The following DOP1B variants were observed in gnomAD, a reference collection of about 807,000 sequenced individuals.
DOP1B encodes DOP1 leucine zipper like protein B.
A neutral mutation model predicts 233.5 loss-of-function variants in DOP1B; 174 were observed. The ratio of observed to expected loss-of-function variants is 0.75; its 90% CI spans 0.66 to 0.85. The LOEUF (loss-of-function observed/expected upper bound fraction) is 0.85. DOP1B is among the 40% of genes least tolerant of loss of function. The pLI, the probability that DOP1B is intolerant of heterozygous loss-of-function variation, is 0.00. For synonymous variants in DOP1B, 1,190 were observed against 1,185.6 expected (o/e 1.00, Z -0.08); for missense variants, 2,652 against 2,846.6 (o/e 0.93, Z 1.56).
chr21:36,227,545 A>AG (rs2123536280), intron 12 of DOP1B, 141 bp from the exon 13 acceptor site: 4 of 634,102 alleles, frequency 6.3e-6, no homozygotes, highest in Non-Finnish European at 8.9e-6. Flanking sequence ...AGACTCTGTC[A>AG]AAAAAAAAGA....
chr21:36,258,446 C>T (rs1034152770), intron 23 of DOP1B, among the ~76,000 whole-genome samples: 24 of 151,966 alleles, frequency 1.6e-4, no homozygotes, highest in Middle Eastern at 6.8e-3. Context: ...GACAATGTGC[C>T]GACCATTGTA....
In DOP1B at chr21:36,270,043, G is replaced by A; in HGVS notation, c.5518G>A (p.Gly1840Arg). The change falls in exon 27 of 37, where the codon GGG becomes AGG. Residue 1840 changes from glycine to arginine, a missense_variant. Physicochemically the swap from Gly to Arg is moderately radical, Grantham distance 125. This residue lies in a region of DOP1B where 2,617 missense variants were observed against 2,794.3 expected (regional missense o/e 0.94). Transcript: ENST00000691173. Reference sequence around the variant, plus strand: ...CACTCAGAAAATCCTAGAAGCTGTGGGGAACATTGCCGGCTCTTCCTTGGA... The same window carrying A: ...CACTCAGAAAATCCTAGAAGCTGTGAGGAACATTGCCGGCTCTTCCTTGGA... ...EITQKILEAV[G>R]NIAGSSLEQT... The A allele has an allele frequency of 6.2e-7, 1 of 1,614,058 alleles. No individual in the cohort carries two copies. Among genetic ancestry groups the A allele is most frequent in the Non-Finnish European group, 8.5e-7 (1 of 1,180,016 alleles).
At chr21:36,242,150 G>A (rs1661512157) in intron 18 of DOP1B, among the ~76,000 whole-genome samples, 1 of 104,428 alleles carries the variant, frequency 9.6e-6, no homozygotes, top group Non-Finnish European at 1.9e-5. Flanking sequence ...AGTTCCTTGG[G>A]CATTATTATT....
chr21:36,236,730 ATGACTTTGGT>A (rs1446539581), intron 15 of DOP1B, among the ~76,000 whole-genome samples: 29 of 150,400 alleles, frequency 1.9e-4, no homozygotes, highest in Admixed American at 1.7e-3. Context: ...TGCTGCCTGG[ATGACTTTGGT>A]GGGTTTTTCC....
chr21:36,265,065 C>A (rs1412891021), intron 26 of DOP1B, among the ~76,000 whole-genome samples: 2 of 152,164 alleles, frequency 1.3e-5, no homozygotes, highest in Non-Finnish European at 2.9e-5. Context: ...CCAGAAACAG[C>A]CTCAGGTCCA....
chr21:36,240,153 T>C (rs1038458471), intron 18 of DOP1B, among the ~76,000 whole-genome samples, 198 bp downstream of exon 18: 4 of 152,102 alleles, frequency 2.6e-5, no homozygotes, highest in Non-Finnish European at 4.4e-5. Flanking sequence ...GGTTTGCTGT[T>C]TTCACTGAAA....
At chr21:36,213,723 A>G (rs1164447669) in intron 7 of DOP1B, among the ~76,000 whole-genome samples, 1 of 150,978 alleles carries the variant, frequency 6.6e-6, no homozygotes, top group African/African-American at 2.4e-5. Flanking sequence ...TATTTTTAGT[A>G]GAGACGGGGT....
At chr21:36,286,639 A>AACACACACAC (rs3029064) in intron 32 of DOP1B, among the ~76,000 whole-genome samples, 1 of 146,458 alleles carries the variant, frequency 6.8e-6, no homozygotes. Context: ...CCATCTCAAA[A>AACACACACAC]ACACACACAC....
In DOP1B at chr21:36,263,812, C is replaced by A; in HGVS notation, c.5485C>A (p.Gln1829Lys). 6.2e-7 allele frequency: 1 copy of A among 1,614,166 alleles called. No homozygotes were observed. The highest frequency in any genetic ancestry group is 1.1e-5 in the South Asian group (1 of 91,086). Residue 1829 changes from glutamine to lysine, a missense_variant and splice_region_variant, in exon 26 of 37, where the codon CAG (glutamine) becomes AAG (lysine). Around this residue, in one of 3 missense-constraint regions of DOP1B, gnomAD observed 2,617 missense variants for 2,794.3 expected, o/e 0.94. Transcript: ENST00000691173. ...LENKKDQKDL[Q>K]EITQKILEAV... ...AAACAAGAAGGACCAAAAAGACCTG[C>A]AGGTTTGTATATGAAAGAGGTTCAG...
rs2067332351 is a variant in DOP1B, at chr21:36,274,878, T to C, written c.5633-2143T>C. Among the ~76,000 whole-genome samples, 4 of 152,180 alleles carry C rather than the reference T, an allele frequency of 2.6e-5. No individual in the cohort carries two copies. The South Asian group carries it at 8.3e-4, about 31-fold the overall frequency. ...GTGTTTGTTTGAGATGGAGTCTCGC[T>C]CTGTTGCCCAGGCAGGAGTGCAGTG... On this transcript the variant is annotated intron_variant, in intron 27 of 36. Transcript: ENST00000691173.
Position 36,246,599 on chromosome 21 carries a change from C to G in DOP1B, c.4619C>G (p.Pro1540Arg), listed in dbSNP as rs1222530460. 1.2e-6 allele frequency: 2 copies of G among 1,613,984 alleles called. No homozygotes were observed. Among genetic ancestry groups the G allele is most frequent in the African/African-American group, 1.3e-5 (1 of 74,902 alleles). The stretch of plus-strand genomic sequence containing the variant: ...AAGTCCCTGGGCTGGACGGTGACAC[C>G]CTTTGTTGTCCAGATTTGCAAAAAC... Reference protein sequence around the residue: ...FGKSLGWTVTPFVVQICKNLD... With the variant: ...FGKSLGWTVTRFVVQICKNLD... The change falls in exon 19 of 37, where the codon CCC becomes CGC. Residue 1540 changes from proline to arginine, a missense_variant. This residue lies in a region of DOP1B where 2,617 missense variants were observed against 2,794.3 expected (regional missense o/e 0.94). Transcript: ENST00000691173. This position sits in a 1 kb window ranked among gnomAD's most constrained non-coding sequence, Gnocchi z 5.1.
At position 36,245,955 on chromosome 21, in the gene DOP1B, C is replaced by T. The variant is rs1278610357; in HGVS notation, c.3975C>T (p.Ser1325=). The T allele has an allele frequency of 6.2e-7, 1 of 1,613,938 alleles. No homozygotes were observed. The highest frequency in any genetic ancestry group is 1.3e-5 in the African/African-American group (1 of 74,908). ...ACCTCTGCCTGAGCTTCCTGCGCTC[C>T]TACTACCCTTGCTATTTGAAGGTCT... is the stretch of plus-strand genomic sequence containing the variant. ...LTYLCLSFLR[S]YYPCYLKVSH... Residue 1325 remains serine, a synonymous_variant, in exon 19 of 37, where the codon TCC becomes TCT. Coordinates refer to ENST00000691173, the MANE Select transcript of DOP1B (RefSeq NM_001320714.2). The surrounding 1 kb of genome is among the most constrained non-coding windows in gnomAD (Gnocchi z 5.5).
intron 1 of DOP1B, among the ~76,000 whole-genome samples, chr21:36,164,271 C>T (rs1033765902): frequency 1.3e-5 from 2 of 152,138 alleles, no homozygotes; most frequent in South Asian, 2.1e-4. Flanking sequence ...TGCAGTGACC[C>T]GTGATCGTGC....
In DOP1B at chr21:36,230,896, G is replaced by A. The variant is rs150748454; in HGVS notation, c.2112G>A (p.Gly704=). ...QMLSDLFTAR[G]SPFKTKSSES... ...TGTCAGACTTGTTCACAGCACGAGG[G>A]TCTCCATTCAAGACAAAAAGTTCAG... is the stretch of plus-strand genomic sequence containing the variant. The change falls in exon 14 of 37, where the codon GGG becomes GGA. Residue 704 remains glycine, a synonymous_variant. Coordinates refer to ENST00000691173, the MANE Select transcript of DOP1B (RefSeq NM_001320714.2). 119 of 1,614,138 alleles carry A rather than the reference G, an allele frequency of 7.4e-5. No individual in the cohort carries two copies. Among genetic ancestry groups the A allele is most frequent in the Admixed American group, 2.8e-4 (17 of 60,010 alleles).
chr21:36,165,932 G>C (rs1377713009), intron 2 of DOP1B, among the ~76,000 whole-genome samples: 2 of 151,178 alleles, frequency 1.3e-5, no homozygotes, highest in African/African-American at 4.9e-5. Context: ...GGCCAGGCTG[G>C]TCTCGAACTC....
chr21:36,251,346 C>A, intron 22 of DOP1B, 62 bp downstream of exon 22: 2 of 1,552,820 alleles, frequency 1.3e-6, no homozygotes, highest in Non-Finnish European at 1.7e-6. Flanking sequence ...ACCACAGAAT[C>A]ATGTGGAATC....
intron 23 of DOP1B, among the ~76,000 whole-genome samples, chr21:36,257,624 AG>A (rs2067116804): frequency 6.6e-6 from 1 of 152,076 alleles, no homozygotes; most frequent in African/African-American, 2.4e-5. Context: ...ATAGATAGAT[AG>A]ATAGATAGAT....
intron 15 of DOP1B, among the ~76,000 whole-genome samples, chr21:36,236,797 G>A (rs2066832876): frequency 1.0e-5 from 1 of 96,480 alleles, no homozygotes; most frequent in African/African-American, 3.9e-5. Context: ...TTTTTTTTGA[G>A]ACAGAGTCTC....
chr21:36,207,593 C>T (rs1178033587), intron 4 of DOP1B, among the ~76,000 whole-genome samples: 5 of 150,480 alleles, frequency 3.3e-5, no homozygotes, highest in Non-Finnish European at 7.4e-5. Context: ...TAGCTGAGCA[C>T]GGGCGTGCAC....
Sources: gnomAD v4.1 joint callset for allele counts (sites outside exome capture counted in the v4.1 genomes callset) on GRCh38, gnomAD v4.1.1 for gene constraint, gnomAD v4.1.1 regional missense constraint, Gnocchi (gnomAD v3.1) non-coding constraint, MANE v1.5 for transcripts, NCBI Gene and HGNC (gene_info 2026-07-23, HGNC 2026-07-21) for gene names.